Variants in TRIM50 observed in about 807,000 individuals in gnomAD.
The protein encoded by TRIM50 is E3 ubiquitin-protein ligase TRIM50.
Under a neutral mutation model 44.9 loss-of-function variants are expected in TRIM50, and 34 were observed. The ratio of observed to expected loss-of-function variants is 0.76; its 90% CI spans 0.58 to 1.01. The LOEUF (loss-of-function observed/expected upper bound fraction) is 1.01, where lower values mean the gene tolerates loss of function less well. Ranked by LOEUF, TRIM50 falls within the 50% of genes least tolerant of loss-of-function variation. TRIM50 has a pLI of 0.00. For missense variants in TRIM50, 633 were observed against 663.7 expected, an observed-to-expected ratio of 0.95 and a Z score of 0.51; for synonymous variants, 307 against 291.1, an observed-to-expected ratio of 1.05 and a Z score of -0.56.
At chr7:73,322,273 C>T (rs1341864082) in intron 2 of TRIM50, among the ~76,000 whole-genome samples, 5 of 152,114 alleles carry the variant, frequency 3.3e-5, no homozygotes, top group Non-Finnish European at 7.4e-5. Flanking sequence ...GGCGTGAACC[C>T]GGGAGGCGGA....
chr7:73,326,852 G>A (rs1221096667), intron 1 of TRIM50, among the ~76,000 whole-genome samples: 8 of 152,018 alleles, frequency 5.3e-5, no homozygotes, highest in Non-Finnish European at 1.0e-4. Flanking sequence ...GTGCAGTGGC[G>A]CAATCTGGCT....
Position 73,318,321 on chromosome 7 carries a change from G to C in TRIM50, c.749+366C>G, listed in dbSNP as rs141587066. On this transcript the variant is annotated intron_variant, in intron 5 of 6. Coordinates refer to ENST00000333149, the MANE Select transcript of TRIM50 (RefSeq NM_178125.3). ...TTTTTTTATTTTTGTATTTTTTGTA[G>C]AGATGGGGTCTTACTACATTGGCCA... Among the ~76,000 whole-genome samples, 33 of 152,202 alleles carry C rather than the reference G, an allele frequency of 2.2e-4. No individual in the cohort carries two copies. In the East Asian group the frequency reaches 5.2e-3, roughly 24 times the overall value.
Position 73,313,099 on chromosome 7 carries a change from T to A in TRIM50, c.1286A>T (p.Asp429Val). ...CCGCAGGTCATCGGGGCGGTCGGCA[T>A]CGAAGAAGGTGAGTTCGCCCTGCTC... Reference protein sequence around the residue: ...HYEQGELTFFDADRPDDLRPL... With the variant: ...HYEQGELTFFVADRPDDLRPL... Residue 429 changes from aspartate to valine, a missense_variant, in exon 7 of 7, where the codon GAT (aspartate) becomes GTT (valine). Asp to Val is a radical substitution (Grantham distance 152). Coordinates refer to ENST00000333149, the MANE Select transcript of TRIM50 (RefSeq NM_178125.3). This position sits in a 1 kb window ranked among gnomAD's most constrained non-coding sequence, Gnocchi z 4.9. 1 of 1,593,774 alleles carries A rather than the reference T, an allele frequency of 6.3e-7. No individual in the cohort carries two copies. The highest frequency in any genetic ancestry group is 8.5e-7 in the Non-Finnish European group (1 of 1,170,840).
intron 2 of TRIM50, chr7:73,321,886 C>T (rs1554545089): frequency 6.6e-6 from 1 of 152,242 alleles, no homozygotes; most frequent in East Asian, 1.9e-4. Context: ...AGACGGGACT[C>T]ATTCCTTCCC....
In TRIM50 at chr7:73,312,811, G is replaced by T; in HGVS notation, c.*110C>A. 1 of 827,962 alleles carries T rather than the reference G, an allele frequency of 1.2e-6. No individual in the cohort carries two copies. Among genetic ancestry groups the T allele is most frequent in the Non-Finnish European group, 1.8e-6 (1 of 545,614 alleles). The allele number at this position is 827,962 out of a possible 1,614,324, so 51.3% of individuals were successfully genotyped here. ...TGTTCCAGGGACACACAGGCCTGAA[G>T]ACCTTCCTAAACAGTGACGATATCA... On this transcript the variant is annotated 3_prime_UTR_variant, in exon 7 of 7. Coordinates refer to ENST00000333149, the MANE Select transcript of TRIM50 (RefSeq NM_178125.3).
chr7:73,324,637 G>C lies in TRIM50; in HGVS notation c.151C>G (p.Leu51Val). The change falls in exon 2 of 7, where the codon CTG becomes GTG. Residue 51 changes from leucine to valine, a missense_variant. Transcript: ENST00000333149. ...VSLSCHLDAE[L>V]RCPVCRQAVD... ...GCCTGCCGGCACACGGGGCAGCGCA[G>C]CTCGGCATCCAGGTGGCAGGACAGG... 4 of 1,614,244 alleles carry C rather than the reference G, an allele frequency of 2.5e-6. No individual in the cohort carries two copies. Among genetic ancestry groups the C allele is most frequent in the Non-Finnish European group, 3.4e-6 (4 of 1,180,042 alleles).
intron 6 of TRIM50, chr7:73,314,399 G>A: frequency 2.4e-6 from 1 of 422,504 alleles, no homozygotes; most frequent in African/African-American, 2.1e-5. Context: ...GCTTAAGCTG[G>A]CCCAGAAGTA....
rs2115778640 is a variant in TRIM50, at chr7:73,324,698, C to T, written c.90G>A (p.Gln30=). 1 of 1,614,228 alleles carries T rather than the reference C, an allele frequency of 6.2e-7. No individual in the cohort carries two copies. Among genetic ancestry groups the T allele is most frequent in the Non-Finnish European group, 8.5e-7 (1 of 1,180,042 alleles). The change falls in exon 2 of 7, where the codon CAG becomes CAA. Residue 30 remains glutamine (Q), a synonymous_variant. Coordinates refer to ENST00000333149, the MANE Select transcript of TRIM50 (RefSeq NM_178125.3). ...AGCCCTTGCAGTAAGAGTGGCCACA[C>T]TGCAGCATCAGGGGCTCCTTGAAGA... is the stretch of plus-strand genomic sequence containing the variant. ...LEVFKEPLML[Q]CGHSYCKGCL...
At chr7:73,326,167 G>A (rs1554546024) in intron 1 of TRIM50, among the ~76,000 whole-genome samples, 2 of 152,234 alleles carry the variant, frequency 1.3e-5, no homozygotes, top group East Asian at 3.8e-4. Context: ...TGGGATTACA[G>A]GCGTGAGCCT....
chr7:73,324,562 C>CCCAGG lies in TRIM50; in HGVS notation c.225_226insCCTGG (p.Glu76ProfsTer5). On this transcript the variant is annotated frameshift_variant, in exon 2 of 7. Transcript: ENST00000333149. LOFTEE classifies it high-confidence loss of function. ...GGGTCCCCAGGGAGCCTCAGGGCTT[C>CCCAGG]GATCACCCTGGCCAGGGAGACGTTG... 1 of 1,614,126 alleles carries CCCAGG rather than the reference C, an allele frequency of 6.2e-7. No homozygotes were observed. The highest frequency in any genetic ancestry group is 2.2e-5 in the East Asian group (1 of 44,880).
intron 6 of TRIM50, among the ~76,000 whole-genome samples, chr7:73,316,273 C>T (rs1472626596): frequency 2.0e-5 from 3 of 152,206 alleles, no homozygotes; most frequent in Admixed American, 6.5e-5. Context: ...CTGCAACACA[C>T]GTATGTCTAT....
At chr7:73,326,950 C>T (rs1267789258) in intron 1 of TRIM50, among the ~76,000 whole-genome samples, 5 of 152,054 alleles carry the variant, frequency 3.3e-5, no homozygotes, top group South Asian at 2.1e-4. Flanking sequence ...CCACCATGCC[C>T]GGCTAATTCT....
chr7:73,327,853 G>A (rs1251045064), intron 1 of TRIM50, 47 bp downstream of exon 1: 4 of 336,848 alleles, frequency 1.2e-5, no homozygotes, highest in East Asian at 7.5e-5. Flanking sequence ...CATGCTCTGC[G>A]TGCTCGTTAG....
At chr7:73,316,482 T>C in intron 6 of TRIM50, 83 bp downstream of exon 6, 1 of 1,562,086 alleles carries the variant, frequency 6.4e-7, no homozygotes, top group African/African-American at 1.4e-5. Flanking sequence ...TCTCTGTAGC[T>C]TATTATCTCT....
chr7:73,316,424 C>A, intron 6 of TRIM50, 141 bp downstream of exon 6: 1 of 1,170,344 alleles, frequency 8.5e-7, no homozygotes. Context: ...TGTTCGGAAA[C>A]TCAGTCCCAT....
intron 2 of TRIM50, among the ~76,000 whole-genome samples, chr7:73,322,640 C>T (rs1489180600): frequency 2.0e-5 from 3 of 152,220 alleles, no homozygotes; most frequent in Non-Finnish European, 4.4e-5. Flanking sequence ...CTCTGATTTC[C>T]GGGAGGCCAC....
In TRIM50 at chr7:73,321,458, C is replaced by G. The variant is rs1251430982; in HGVS notation, c.400-1216G>C. ...TAGGGCCAGTGGTGCTCACACGGGC[C>G]TGGGTTAAACCTGGTGAATCCCCAC... On this transcript the variant is annotated intron_variant, in intron 2 of 6. Coordinates refer to ENST00000333149, the MANE Select transcript of TRIM50 (RefSeq NM_178125.3). Among the ~76,000 whole-genome samples, 4 of 152,156 alleles carry G rather than the reference C, an allele frequency of 2.6e-5. No homozygotes were observed. The East Asian group carries it at 7.7e-4, about 29-fold the overall frequency.
At chr7:73,316,120 A>C (rs1174240132) in intron 6 of TRIM50, among the ~76,000 whole-genome samples, 2 of 151,956 alleles carry the variant, frequency 1.3e-5, no homozygotes, top group African/African-American at 4.8e-5. Flanking sequence ...ACCTCAGAAG[A>C]TCCGCCCTCC....
chr7:73,316,447 AC>A, intron 6 of TRIM50, 117 bp downstream of exon 6: 1 of 1,385,668 alleles, frequency 7.2e-7, no homozygotes, highest in East Asian at 2.4e-5. Context: ...TCTCACTAGG[AC>A]CCTCCACAAA....
Sources: allele counts gnomAD v4.1 joint callset (sites outside exome capture counted in the v4.1 genomes callset), GRCh38; gene constraint gnomAD v4.1.1; non-coding constraint Gnocchi (gnomAD v3.1); transcripts MANE v1.5; gene names NCBI Gene and HGNC (gene_info 2026-07-23, HGNC 2026-07-21).